RGS7BP: variants seen among roughly 807,000 people sequenced by gnomAD.
RGS7BP encodes regulator of G protein signaling 7-binding protein.
A neutral mutation model predicts 31.3 loss-of-function variants in RGS7BP; 9 were observed. The observed-to-expected ratio is 0.29, with a 90% CI of 0.17 to 0.50. The LOEUF is 0.50. Ranked by LOEUF, RGS7BP falls within the 20% of genes least tolerant of loss-of-function variation. The probability of loss-of-function intolerance (pLI) is 0.98; values close to 1 mark genes in which losing one functional copy is unlikely to be tolerated. For synonymous variants in RGS7BP, 115 were observed against 120.1 expected (o/e 0.96, Z 0.28); for missense variants, 274 against 322.0 (o/e 0.85, Z 1.14).
chr5:64,597,555 C>A (rs1452349855), intron 4 of RGS7BP, among the ~76,000 whole-genome samples: 2 of 151,470 alleles, frequency 1.3e-5, no homozygotes, highest in Non-Finnish European at 2.9e-5. Context: ...ACGCTTAATA[C>A]CTGAGTTATG....
intron 2 of RGS7BP, among the ~76,000 whole-genome samples, chr5:64,561,422 C>T (rs773230601): frequency 1.3e-5 from 2 of 151,994 alleles, no homozygotes; most frequent in Admixed American, 6.6e-5. Context: ...TGGTATGTAC[C>T]GGCTAAAATC....
At chr5:64,530,119 A>G (rs76490193) in intron 2 of RGS7BP, among the ~76,000 whole-genome samples, 3,410 of 152,320 alleles carry the variant, frequency 0.022, 72 homozygotes, top group African/African-American at 0.056. Flanking sequence ...TGCACCCGTC[A>G]TTAGGAGAGT....
intron 2 of RGS7BP, among the ~76,000 whole-genome samples, chr5:64,555,112 T>C (rs879318502): frequency 1.3e-5 from 2 of 152,028 alleles, no homozygotes; most frequent in East Asian, 3.8e-4. Context: ...AATGGAATGA[T>C]ACCACAAAAT....
In RGS7BP at chr5:64,519,151, A is replaced by C. The variant is rs1749045260; in HGVS notation, c.332+11274A>C. The stretch of plus-strand genomic sequence containing the variant: ...CTAGCAAGACTGGGGAGACCGGAAG[A>C]GTATGGAGCTTGGATGTGAGGAGTG... On this transcript the variant is annotated intron_variant, in intron 2 of 5. Transcript: ENST00000334025. Among the ~76,000 whole-genome samples the C allele has an allele frequency of 3.3e-5, 5 of 152,204 alleles. No individual in the cohort carries two copies. In the South Asian group the frequency reaches 1.0e-3, roughly 32 times the overall value.
At chr5:64,554,303 C>T (rs1741870028) in intron 2 of RGS7BP, among the ~76,000 whole-genome samples, 1 of 152,180 alleles carries the variant, frequency 6.6e-6, no homozygotes, top group African/African-American at 2.4e-5. Flanking sequence ...TTTCAGGTGC[C>T]AGGAACCTCT....
intron 2 of RGS7BP, among the ~76,000 whole-genome samples, chr5:64,557,443 G>A (rs1741954838): frequency 6.6e-6 from 1 of 152,154 alleles, no homozygotes; most frequent in African/African-American, 2.4e-5. Context: ...CTTTGCAGCA[G>A]GTTCAGACAG....
chr5:64,578,333 C>T (rs899661025), intron 3 of RGS7BP, among the ~76,000 whole-genome samples: 1 of 152,218 alleles, frequency 6.6e-6, no homozygotes, highest in Non-Finnish European at 1.5e-5. Flanking sequence ...TTTGATTTCT[C>T]CCCTATGTAG....
chr5:64,564,525 G>A (rs529219856), intron 2 of RGS7BP, among the ~76,000 whole-genome samples: 1 of 152,136 alleles, frequency 6.6e-6, no homozygotes, highest in Non-Finnish European at 1.5e-5. Flanking sequence ...TATGAGAAGG[G>A]TACAGATTGT....
intron 4 of RGS7BP, among the ~76,000 whole-genome samples, chr5:64,598,042 G>C (rs1269974630): frequency 1.3e-5 from 2 of 152,122 alleles, no homozygotes; most frequent in African/African-American, 4.8e-5. Flanking sequence ...GCCTCTCTTT[G>C]CAAATCTAAA....
chr5:64,550,106 A>G (rs1301773801), intron 2 of RGS7BP, among the ~76,000 whole-genome samples: 2 of 152,162 alleles, frequency 1.3e-5, no homozygotes, highest in Non-Finnish European at 2.9e-5. Context: ...TGGCATGTAC[A>G]TTGAAACTCT....
At chr5:64,596,101 G>A (rs1743060933) in intron 4 of RGS7BP, among the ~76,000 whole-genome samples, 1 of 152,212 alleles carries the variant, frequency 6.6e-6, no homozygotes. Context: ...ATAAACATCA[G>A]TGAAACCATT....
At chr5:64,548,290 A>G (rs1324091793) in intron 2 of RGS7BP, among the ~76,000 whole-genome samples, 1 of 152,208 alleles carries the variant, frequency 6.6e-6, no homozygotes, top group Non-Finnish European at 1.5e-5. Context: ...TAAATTCTGA[A>G]GTATTAAAGT....
chr5:64,523,614 G>C (rs1161064750), intron 2 of RGS7BP, among the ~76,000 whole-genome samples: 2 of 152,148 alleles, frequency 1.3e-5, no homozygotes, highest in African/African-American at 4.8e-5. Flanking sequence ...GCTGCTTTCA[G>C]AATGGCACAT....
At chr5:64,511,260 A>G (rs1748824734) in intron 2 of RGS7BP, among the ~76,000 whole-genome samples, 1 of 152,140 alleles carries the variant, frequency 6.6e-6, no homozygotes, top group Non-Finnish European at 1.5e-5. Flanking sequence ...CGCTTTCTCA[A>G]ATTGTGTTTG....
chr5:64,550,649 A>G (rs1371613194), intron 2 of RGS7BP, among the ~76,000 whole-genome samples: 1 of 151,828 alleles, frequency 6.6e-6, no homozygotes, highest in Non-Finnish European at 1.5e-5. Context: ...TTACATATGT[A>G]TACATGTGCT....
chr5:64,594,925 G>A (rs1043267749), intron 4 of RGS7BP, 68 bp downstream of exon 4: 3 of 1,510,698 alleles, frequency 2.0e-6, no homozygotes, highest in Non-Finnish European at 9.1e-7. Flanking sequence ...GGGCCACAGA[G>A]AGACGAGGTT....
At chr5:64,522,567 C>A (rs1749133919) in intron 2 of RGS7BP, among the ~76,000 whole-genome samples, 1 of 152,140 alleles carries the variant, frequency 6.6e-6, no homozygotes. Context: ...GAGTACTGTA[C>A]CATCATTGAA....
chr5:64,597,383 A>G (rs1743099286), intron 4 of RGS7BP, among the ~76,000 whole-genome samples: 2 of 151,826 alleles, frequency 1.3e-5, no homozygotes, highest in African/African-American at 4.8e-5. Context: ...GGTCCATGCT[A>G]AAGGAAGGCC....
At chr5:64,569,608 C>G (rs1742257338) in intron 2 of RGS7BP, among the ~76,000 whole-genome samples, 1 of 152,090 alleles carries the variant, frequency 6.6e-6, no homozygotes, top group Non-Finnish European at 1.5e-5. Context: ...TGTATCTTCC[C>G]TGCCCCCAAC....
Sources: allele counts gnomAD v4.1 joint callset (sites outside exome capture counted in the v4.1 genomes callset), GRCh38; gene constraint gnomAD v4.1.1; transcripts MANE v1.5; gene names NCBI Gene and HGNC (gene_info 2026-07-23, HGNC 2026-07-21).